The following USP40 variants were observed in gnomAD, a reference collection of about 807,000 sequenced individuals.
The protein encoded by USP40 is ubiquitin carboxyl-terminal hydrolase 40.
USP40 carries 143 observed loss-of-function variants against 166.2 expected under a neutral mutation model. The observed-to-expected ratio is 0.86, with a 90% CI of 0.75 to 0.99. The LOEUF (loss-of-function observed/expected upper bound fraction) is 0.99. Among genes scored for constraint, USP40 ranks in the 50% least tolerant of loss-of-function variants. USP40 has a pLI of 0.00. For missense variants in USP40, 1,444 were observed against 1,479.7 expected (o/e 0.98, Z 0.40); for synonymous variants, 498 against 524.0 (o/e 0.95, Z 0.68).
intron 29 of USP40, 50 bp from the exon 30 acceptor site, chr2:233,485,676 TCAC>T (rs767510011): frequency 1.3e-5 from 21 of 1,602,882 alleles, no homozygotes; most frequent in Non-Finnish European, 6.8e-6. Flanking sequence ...CCTCAAGTTC[TCAC>T]TAACTTCTCT....
chr2:233,519,715 G>A (rs764405213), intron 17 of USP40, 44 bp from the exon 18 acceptor site: 155 of 1,120,128 alleles, frequency 1.4e-4, no homozygotes, highest in Non-Finnish European at 1.7e-4. Flanking sequence ...TAAAAAATGG[G>A]AGGAGATGAA....
chr2:233,477,083 C>T lies in USP40; in HGVS notation c.*309G>A, dbSNP rs187744367. The T allele has an allele frequency of 2.1e-5, 8 of 387,976 alleles. No homozygotes were observed. Among genetic ancestry groups the T allele is most frequent in the African/African-American group, 8.3e-5 (4 of 48,108 alleles). The allele number at this position is 387,976 out of a possible 1,614,324, so 24.0% of individuals were successfully genotyped here. A position where few individuals can be genotyped will look rare whatever the true frequency, so the allele number is the denominator to read the frequency against. On this transcript the variant is annotated 3_prime_UTR_variant, in exon 32 of 32. Transcript: ENST00000678225. ...CCTCCATACCTGCGGTTCACGCACA[C>T]GTTGTGCATTTTCTGGTTAAAAGAA... is the stretch of plus-strand genomic sequence containing the variant.
chr2:233,478,840 C>T (rs934560429), intron 31 of USP40, among the ~76,000 whole-genome samples: 2 of 152,156 alleles, frequency 1.3e-5, no homozygotes, highest in African/African-American at 2.4e-5. Flanking sequence ...GCTTCTCTGC[C>T]CCTATACACA....
chr2:233,520,926 G>T, intron 17 of USP40, 65 bp downstream of exon 17: 1 of 1,541,206 alleles, frequency 6.5e-7, no homozygotes, highest in East Asian at 2.3e-5. Context: ...TTAAGGTATT[G>T]TTTTCTAAAT....
chr2:233,511,800 TA>T lies in USP40; in HGVS notation c.2438-4del. 2 of 1,600,254 alleles carry T rather than the reference TA, an allele frequency of 1.2e-6. No homozygotes were observed. The highest frequency in any genetic ancestry group is 1.7e-4 in the Middle Eastern group (1 of 6,036). On this transcript the variant is annotated splice_polypyrimidine_tract_variant and splice_region_variant and intron_variant, in intron 19 of 31. Coordinates refer to ENST00000678225, the MANE Select transcript of USP40 (RefSeq NM_001365479.2). ...CTTCAAAGTATAGCTGTCCGGCACT[TA>T]AAAAAATTTTGATAATATGATGAAG... is the stretch of plus-strand genomic sequence containing the variant.
intron 21 of USP40, 30 bp from the exon 22 acceptor site, chr2:233,499,945 T>G: frequency 6.2e-7 from 1 of 1,604,990 alleles, no homozygotes; most frequent in Non-Finnish European, 8.5e-7. Context: ...CCAATGTTAG[T>G]TTTCTGTTTC....
chr2:233,477,261 G>T lies in USP40; in HGVS notation c.*131C>A. 1 of 841,874 alleles carries T rather than the reference G, an allele frequency of 1.2e-6. No homozygotes were observed. Among genetic ancestry groups the T allele is most frequent in the Non-Finnish European group, 1.9e-6 (1 of 518,074 alleles). 52.2% of individuals were successfully genotyped at this position (841,874 alleles called of 1,614,324 possible). On this transcript the variant is annotated 3_prime_UTR_variant, in exon 32 of 32. Transcript: ENST00000678225. ...GCACTGGCCAGGCCTCAGAGGAGCC[G>T]TCCCTGTGCTCAAAGGAAGCAGAGG...
intron 6 of USP40, 161 bp downstream of exon 6, chr2:233,554,219 A>T: frequency 1.2e-6 from 1 of 802,844 alleles, no homozygotes; most frequent in Non-Finnish European, 1.7e-6. Context: ...AGCCTTAAAA[A>T]TTCATTATTG....
At chr2:233,522,576 T>C (rs750642698) in intron 16 of USP40, among the ~76,000 whole-genome samples, 37 of 152,198 alleles carry the variant, frequency 2.4e-4, no homozygotes, top group Admixed American at 2.4e-3. Flanking sequence ...GCAGTTACAG[T>C]GTATGACACA....
At chr2:233,537,429 T>A (rs2069017450) in intron 10 of USP40, among the ~76,000 whole-genome samples, 1 of 152,060 alleles carries the variant, frequency 6.6e-6, no homozygotes, top group Non-Finnish European at 1.5e-5. Context: ...TTTCCAAAAT[T>A]TTAAAAAAGA....
intron 8 of USP40, among the ~76,000 whole-genome samples, chr2:233,543,917 G>A (rs535195729): frequency 6.6e-6 from 1 of 152,318 alleles, no homozygotes; most frequent in South Asian, 2.1e-4. Context: ...GGAGGGAGTC[G>A]AGGGACTGGT....
intron 11 of USP40, among the ~76,000 whole-genome samples, chr2:233,532,840 G>A (rs574777980): frequency 6.6e-6 from 1 of 152,192 alleles, no homozygotes; most frequent in African/African-American, 2.4e-5. Flanking sequence ...ACTAAGGGAA[G>A]AGAATCACTT....
At chr2:233,487,907 T>C (rs1237056993) in intron 28 of USP40, 1 of 555,666 alleles carries the variant, frequency 1.8e-6, no homozygotes, top group Non-Finnish European at 3.5e-6. Context: ...ACGGGAGCAA[T>C]GATGAATCCG....
At chr2:233,491,027 C>T (rs1219717920) in intron 26 of USP40, 140 bp downstream of exon 26, 1 of 773,138 alleles carries the variant, frequency 1.3e-6, no homozygotes, top group East Asian at 2.7e-5. Context: ...CCTGCGGGTA[C>T]TTACCACTGA....
intron 9 of USP40, 22 bp from the exon 10 acceptor site, chr2:233,540,791 C>T (rs1227257434): frequency 1.3e-6 from 2 of 1,575,458 alleles, no homozygotes; most frequent in East Asian, 2.2e-5. Flanking sequence ...AACACAGTCA[C>T]TCAAGAAAAT....
chr2:233,478,031 ATG>A (rs765996333), intron 31 of USP40, among the ~76,000 whole-genome samples: 3 of 152,210 alleles, frequency 2.0e-5, no homozygotes, highest in African/African-American at 4.8e-5. Context: ...GCCCAGCCTG[ATG>A]TGTGTGGCCC....
rs1487017615 is a variant in USP40, at chr2:233,511,737, C to T, written c.2498G>A (p.Cys833Tyr). Residue 833 changes from cysteine (C) to tyrosine (Y), a missense_variant, in exon 20 of 32, where the codon TGT (cysteine) becomes TAT (tyrosine). Cys to Tyr is a radical substitution (Grantham distance 194). Transcript: ENST00000678225. Reference sequence around the variant, plus strand: ...AGACGAACTTGGTGCTTTTCCAAGACACAGTCCCAATGAACTTCCCATCTT... The same window carrying T: ...AGACGAACTTGGTGCTTTTCCAAGATACAGTCCCAATGAACTTCCCATCTT... ...ELKMGSSLGL[C>Y]LGKAPSSSQL... is the part of the protein sequence containing the mutation. The T allele has an allele frequency of 6.2e-7, 1 of 1,612,148 alleles. No homozygotes were observed. Among genetic ancestry groups the T allele is most frequent in the Admixed American group, 1.7e-5 (1 of 59,854 alleles).
At chr2:233,481,638 G>A (rs568803815) in intron 30 of USP40, 37 of 286,768 alleles carry the variant, frequency 1.3e-4, no homozygotes, top group African/African-American at 5.8e-4. Flanking sequence ...TCTCATCGCC[G>A]CGCCAGAAGC....
Position 233,498,537 on chromosome 2 carries a change from A to C in USP40, c.2715+11T>G. On this transcript the variant is annotated intron_variant, in intron 23 of 31. Transcript: ENST00000678225. Reference sequence around the variant, plus strand: ...ATCATACGAAAGTACAATGTATAGAAATCATCTTACTTCTTCACATAAAGG... The same window carrying C: ...ATCATACGAAAGTACAATGTATAGACATCATCTTACTTCTTCACATAAAGG... The C allele has an allele frequency of 1.2e-6, 2 of 1,610,820 alleles. No homozygotes were observed. The highest frequency in any genetic ancestry group is 1.7e-6 in the Non-Finnish European group (2 of 1,178,460).
Sources: gnomAD v4.1 joint callset for allele counts (sites outside exome capture counted in the v4.1 genomes callset) on GRCh38, gnomAD v4.1.1 for gene constraint, MANE v1.5 for transcripts, NCBI Gene and HGNC (gene_info 2026-07-23, HGNC 2026-07-21) for gene names.